PTPRC: variants seen among roughly 807,000 people sequenced by gnomAD.
The protein encoded by PTPRC is protein tyrosine phosphatase receptor type C, also known as receptor-type tyrosine-protein phosphatase C.
A neutral mutation model predicts 155.9 loss-of-function variants in PTPRC; 44 were observed. The observed-to-expected ratio is 0.28, with a 90% CI of 0.22 to 0.36. PTPRC has a LOEUF of 0.36. Ranked by LOEUF, PTPRC falls within the 10% of genes least tolerant of loss-of-function variation. PTPRC has a pLI of 1.00. For missense variants in PTPRC, 1,401 were observed against 1,564.6 expected (o/e 0.90, Z 1.76); for synonymous variants, 525 against 533.1 (o/e 0.98, Z 0.21).
At chr1:198,703,730 C>T (rs1023353530) in intron 7 of PTPRC, 10 of 301,622 alleles carry the variant, frequency 3.3e-5, no homozygotes, top group Admixed American at 2.3e-4. Flanking sequence ...GCAGAGTTCC[C>T]GTTAAGCAGT....
intron 9 of PTPRC, 132 bp from the exon 10 acceptor site, chr1:198,708,001 T>C: frequency 1.3e-6 from 1 of 750,192 alleles, no homozygotes; most frequent in East Asian, 2.8e-5. Flanking sequence ...CCCATAGCAA[T>C]CTCAATCCTT....
At position 198,672,966 on chromosome 1, in the gene PTPRC, A is replaced by C. The variant is rs1664733777; in HGVS notation, c.74-19381A>C. ...TCTCAGTTTGTAGAAGAGGGCCTTCATTATCAGCATCACATTTATTTTCCA... is the reference window on the plus strand; with the variant it reads ...TCTCAGTTTGTAGAAGAGGGCCTTCCTTATCAGCATCACATTTATTTTCCA... On this transcript the variant is annotated intron_variant, in intron 2 of 32. Coordinates refer to ENST00000442510, the MANE Select transcript of PTPRC (RefSeq NM_002838.5). Among the ~76,000 whole-genome samples the C allele has an allele frequency of 2.0e-5, 3 of 152,192 alleles. No individual in the cohort carries two copies. In the South Asian group the frequency reaches 6.2e-4, roughly 31 times the overall value.
At chr1:198,641,754 T>C (rs1005008506) in intron 2 of PTPRC, among the ~76,000 whole-genome samples, 1 of 152,022 alleles carries the variant, frequency 6.6e-6, no homozygotes, top group Non-Finnish European at 1.5e-5. Context: ...TACCACACTA[T>C]AGCATGGCAG....
Position 198,731,799 on chromosome 1 carries a change from C to T in PTPRC, c.1974+73C>T, listed in dbSNP as rs547592743. 5.9e-6 allele frequency: 7 copies of T among 1,184,612 alleles called. No individual in the cohort carries two copies. The East Asian group carries it at 7.2e-5, about 12-fold the overall frequency. The allele number at this position is 1,184,612 out of a possible 1,614,324, so 73.4% of individuals were successfully genotyped here. On this transcript the variant is annotated intron_variant, in intron 18 of 32. Coordinates refer to ENST00000442510, the MANE Select transcript of PTPRC (RefSeq NM_002838.5). Reference sequence around the variant, plus strand: ...TTCCACTTTAAGTGTATTTATATTGCCATTTGCCTTTATAATTTATCCCAC... The same window carrying T: ...TTCCACTTTAAGTGTATTTATATTGTCATTTGCCTTTATAATTTATCCCAC...
rs1034487642 is a variant in PTPRC at position 198,716,602 on chromosome 1, A to T, written c.1292-80A>T. ...TTTGGAGTTCACTTGGAACAATGTGATGTAGAGACCAAATTAATTAGGTAC... is the reference window on the plus strand; with the variant it reads ...TTTGGAGTTCACTTGGAACAATGTGTTGTAGAGACCAAATTAATTAGGTAC... On this transcript the variant is annotated intron_variant, in intron 12 of 32. Transcript: ENST00000442510. 78 of 1,252,268 alleles carry T rather than the reference A, an allele frequency of 6.2e-5. No individual in the cohort carries two copies. In the African/African-American group the frequency reaches 1.0e-3, roughly 17 times the overall value. The allele number at this position is 1,252,268 out of a possible 1,614,324, so 77.6% of individuals were successfully genotyped here. A position where few individuals can be genotyped will look rare whatever the true frequency, so the allele number is the denominator to read the frequency against.
intron 2 of PTPRC, 28 bp downstream of exon 2, chr1:198,639,369 A>C: frequency 2.0e-6 from 3 of 1,526,410 alleles, no homozygotes; most frequent in Non-Finnish European, 2.7e-6. Context: ...AATATTTTTT[A>C]AATTATTTTT....
At chr1:198,729,605 A>G (rs934265612) in intron 17 of PTPRC, among the ~76,000 whole-genome samples, 1 of 152,156 alleles carries the variant, frequency 6.6e-6, no homozygotes, top group Non-Finnish European at 1.5e-5. Context: ...TGATACAGTG[A>G]TAAAACTTAA....
intron 22 of PTPRC, among the ~76,000 whole-genome samples, chr1:198,734,636 A>G (rs1435556802): frequency 2.0e-5 from 3 of 151,784 alleles, no homozygotes; most frequent in South Asian, 2.1e-4. Context: ...TAAAATTTCA[A>G]TGCTTCTGAT....
intron 2 of PTPRC, 141 bp downstream of exon 2, chr1:198,639,482 G>T: frequency 1.2e-5 from 8 of 661,380 alleles, no homozygotes; most frequent in Non-Finnish European, 2.1e-5. Flanking sequence ...GTTGTCTCAG[G>T]GAGACATAGC....
Position 198,739,259 on chromosome 1 carries a change from T to G in PTPRC, c.2404-2610T>G, listed in dbSNP as rs796901617. On this transcript the variant is annotated intron_variant, in intron 23 of 32. Transcript: ENST00000442510. ...AACATTGAATATCAGTAGACTAAACTCTCTAAACAAAATACATAGAGTGGC... is the reference window on the plus strand; with the variant it reads ...AACATTGAATATCAGTAGACTAAACGCTCTAAACAAAATACATAGAGTGGC... 7.9e-4 allele frequency among the ~76,000 whole-genome samples: 113 copies of G among 143,118 alleles called. 1 individual carries two copies. Among genetic ancestry groups the G allele is most frequent in the African/African-American group, 2.6e-3 (99 of 38,162 alleles). 93.9% of individuals were successfully genotyped at this position (143,118 alleles called of 152,430 possible).
chr1:198,678,018 G>A (rs964941670), intron 2 of PTPRC, among the ~76,000 whole-genome samples: 2 of 151,918 alleles, frequency 1.3e-5, no homozygotes, highest in South Asian at 4.2e-4. Flanking sequence ...ATGAAAATTC[G>A]AAAGCACATG....
intron 26 of PTPRC, among the ~76,000 whole-genome samples, chr1:198,744,607 A>T (rs1223511578): frequency 1.3e-5 from 2 of 151,894 alleles, no homozygotes; most frequent in Admixed American, 6.6e-5. Flanking sequence ...AGGAAGTTGA[A>T]CTGGCTGGAG....
intron 2 of PTPRC, among the ~76,000 whole-genome samples, chr1:198,666,008 A>AG (rs1432721955): frequency 1.3e-5 from 2 of 152,100 alleles, no homozygotes; most frequent in African/African-American, 2.4e-5. Flanking sequence ...TGAGAGGCCA[A>AG]GGGGGGAGAA....
chr1:198,662,709 T>C (rs187216416), intron 2 of PTPRC, among the ~76,000 whole-genome samples: 1 of 152,280 alleles, frequency 6.6e-6, no homozygotes, highest in African/African-American at 2.4e-5. Context: ...TTCCACACAT[T>C]GACCAGTATT....
rs374390398 is a variant in PTPRC at position 198,648,916 on chromosome 1, A to AT, written c.73+9584dup. 1.1e-4 allele frequency among the ~76,000 whole-genome samples: 16 copies of AT among 151,356 alleles called. No individual in the cohort carries two copies. The South Asian group carries it at 1.3e-3, about 12-fold the overall frequency. On this transcript the variant is annotated intron_variant, in intron 2 of 32. Coordinates refer to ENST00000442510, the MANE Select transcript of PTPRC (RefSeq NM_002838.5). Reference sequence around the variant, plus strand: ...TTAAATAATTCACCAAAGTATCTAGATTTTTTTTTGTTTTTGAAGTGCAAG... The same window carrying AT: ...TTAAATAATTCACCAAAGTATCTAGATTTTTTTTTTGTTTTTGAAGTGCAAG...
intron 23 of PTPRC, among the ~76,000 whole-genome samples, chr1:198,740,433 T>C (rs1654846764): frequency 6.6e-6 from 1 of 151,540 alleles, no homozygotes; most frequent in Admixed American, 6.6e-5. Flanking sequence ...CAAAAAAATA[T>C]TAGCCAGGTG....
chr1:198,740,302 G>T (rs1466882282), intron 23 of PTPRC, among the ~76,000 whole-genome samples: 1 of 151,920 alleles, frequency 6.6e-6, no homozygotes, highest in Non-Finnish European at 1.5e-5. Flanking sequence ...GACAGGCCAG[G>T]TGCAGTGGCT....
intron 31 of PTPRC, among the ~76,000 whole-genome samples, chr1:198,753,276 A>G (rs1040404173): frequency 5.3e-5 from 8 of 152,020 alleles, no homozygotes; most frequent in Non-Finnish European, 1.5e-5. Flanking sequence ...TAATTTTCTA[A>G]ACTGAACCAA....
rs1173999476 is a variant in PTPRC at position 198,716,762 on chromosome 1, T to A, written c.1372T>A (p.Ser458Thr). ...NLKPYTKYVLSLHAYIIAKVQ... is the reference protein window; with the variant it reads ...NLKPYTKYVLTLHAYIIAKVQ... ...AAAACCTTATACGAAATATGTTTTA[T>A]CATTACATGCCTACATCATTGCAAA... is the stretch of plus-strand genomic sequence containing the variant. The change falls in exon 13 of 33, where the codon TCA becomes ACA. Residue 458 changes from serine (S) to threonine (T), a missense_variant. Physicochemically the swap from Ser to Thr is moderately conservative, Grantham distance 58. Around this residue, in one of 3 missense-constraint regions of PTPRC, gnomAD observed 867 missense variants for 970.4 expected, o/e 0.89. Coordinates refer to ENST00000442510, the MANE Select transcript of PTPRC (RefSeq NM_002838.5). 6.2e-7 allele frequency: 1 copy of A among 1,613,220 alleles called. No homozygotes were observed. The highest frequency in any genetic ancestry group is 1.3e-5 in the African/African-American group (1 of 74,918).
Sources: allele counts gnomAD v4.1 joint callset (sites outside exome capture counted in the v4.1 genomes callset), GRCh38; gene constraint gnomAD v4.1.1; regional missense constraint gnomAD v4.1.1; transcripts MANE v1.5; gene names NCBI Gene and HGNC (gene_info 2026-07-23, HGNC 2026-07-21).